Variants in PCDHGB4 observed in about 807,000 individuals in gnomAD.
PCDHGB4 encodes the protein protocadherin gamma subfamily B, 4, also known as protocadherin gamma-B4.
In PCDHGB4, 38 loss-of-function variants were observed where a neutral mutation model predicts 60.5. The observed-to-expected ratio is 0.63, with a 90% CI of 0.48 to 0.82. The LOEUF is 0.82. Ranked by LOEUF, PCDHGB4 falls within the 40% of genes least tolerant of loss-of-function variation. The pLI is 0.00. For synonymous variants in PCDHGB4, 456 were observed against 509.7 expected, an observed-to-expected ratio of 0.89 and a Z score of 1.42; for missense variants, 1,109 against 1,209.6, an observed-to-expected ratio of 0.92 and a Z score of 1.23.
At position 141,405,406 on chromosome 5, in the gene PCDHGB4, T is replaced by C. The variant is rs750140674; in HGVS notation, c.2397+15125T>C. On this transcript the variant is annotated intron_variant, in intron 1 of 3. Coordinates refer to ENST00000519479, the MANE Select transcript of PCDHGB4 (RefSeq NM_003736.4). ...GTTCATTTTTTTTCTTTCTTTCTTTTCTTTTTTTGTTTTTTGTTTTGTTTT... is the reference window on the plus strand; with the variant it reads ...GTTCATTTTTTTTCTTTCTTTCTTTCCTTTTTTTGTTTTTTGTTTTGTTTT... 1.2e-5 allele frequency: 19 copies of C among 1,584,070 alleles called. No individual in the cohort carries two copies. The Admixed American group carries it at 1.2e-4, about 10-fold the overall frequency.
intron 1 of PCDHGB4, among the ~76,000 whole-genome samples, chr5:141,468,914 G>A (rs563780068): frequency 2.6e-5 from 4 of 151,700 alleles, no homozygotes; most frequent in Admixed American, 2.6e-4. Context: ...CAGACTAGAA[G>A]AGAATAGCAC....
chr5:141,448,204 C>G (rs757249025), intron 1 of PCDHGB4, among the ~76,000 whole-genome samples: 28 of 152,124 alleles, frequency 1.8e-4, no homozygotes, highest in South Asian at 4.1e-4. Flanking sequence ...CAAACATTTT[C>G]TGTGTGTATG....
chr5:141,510,472 G>A (rs1209464436), intron 3 of PCDHGB4, among the ~76,000 whole-genome samples: 7 of 152,102 alleles, frequency 4.6e-5, no homozygotes, highest in Non-Finnish European at 1.0e-4. Context: ...GGAGTCAGAG[G>A]CTCCCTTGAG....
At chr5:141,499,244 CAA>C (rs1191956146) in intron 2 of PCDHGB4, among the ~76,000 whole-genome samples, 1 of 152,090 alleles carries the variant, frequency 6.6e-6, no homozygotes, top group Non-Finnish European at 1.5e-5. Flanking sequence ...AGCCTCTGCA[CAA>C]AGAGTCTCCA....
At position 141,433,142 on chromosome 5, in the gene PCDHGB4, G is replaced by T. The variant is rs2097571106; in HGVS notation, c.2397+42861G>T. On this transcript the variant is annotated intron_variant, in intron 1 of 3. Coordinates refer to ENST00000519479, the MANE Select transcript of PCDHGB4 (RefSeq NM_003736.4). ...AAAAAGCGAGCCCCTTTTGCTGTCA[G>T]GTGATTCGGTATTTTCTAAAGACAG... The T allele has an allele frequency of 4.7e-5, 76 of 1,613,992 alleles. No homozygotes were observed. Among genetic ancestry groups the T allele is most frequent in the Non-Finnish European group, 6.4e-5 (76 of 1,180,016 alleles).
In PCDHGB4 at chr5:141,476,240, G is replaced by A. The variant is rs762604058; in HGVS notation, c.2398-18567G>A. On this transcript the variant is annotated intron_variant, in intron 1 of 3. Coordinates refer to ENST00000519479, the MANE Select transcript of PCDHGB4 (RefSeq NM_003736.4). This position sits in a 1 kb window ranked among gnomAD's most constrained non-coding sequence, Gnocchi z 7.6. ...TCACTATGAGATCCCGGAGGAAAGAGAGAAGGGTTTCGCTGTGGGCAACGT... is the reference window on the plus strand; with the variant it reads ...TCACTATGAGATCCCGGAGGAAAGAAAGAAGGGTTTCGCTGTGGGCAACGT... The A allele has an allele frequency of 4.3e-6, 7 of 1,613,986 alleles. No individual in the cohort carries two copies. The highest frequency in any genetic ancestry group is 1.7e-6 in the Non-Finnish European group (2 of 1,180,030).
chr5:141,428,050 T>C (rs1222417053), intron 1 of PCDHGB4: 1 of 1,608,844 alleles, frequency 6.2e-7, no homozygotes, highest in Non-Finnish European at 8.5e-7. Flanking sequence ...GTGACCAAGG[T>C]GGTGGCGGTG....
chr5:141,491,659 G>A lies in PCDHGB4; in HGVS notation c.2398-3148G>A. On this transcript the variant is annotated intron_variant, in intron 1 of 3. Transcript: ENST00000519479. This position sits in a 1 kb window ranked among gnomAD's most constrained non-coding sequence, Gnocchi z 6.9. ...CACAGCTCTGGCGCTGGAGCCTGACGCCATCCGGTCCCGCTCTAATACGCT... is the reference window on the plus strand; with the variant it reads ...CACAGCTCTGGCGCTGGAGCCTGACACCATCCGGTCCCGCTCTAATACGCT... 6.2e-7 allele frequency: 1 copy of A among 1,613,766 alleles called. No homozygotes were observed. The highest frequency in any genetic ancestry group is 8.5e-7 in the Non-Finnish European group (1 of 1,180,004).
intron 1 of PCDHGB4, chr5:141,414,158 G>C: frequency 6.2e-7 from 1 of 1,602,572 alleles, no homozygotes; most frequent in Non-Finnish European, 8.5e-7. Context: ...GCAGAAGATG[G>C]AGGAGCATAT....
At chr5:141,456,204 C>A (rs867187371) in intron 1 of PCDHGB4, among the ~76,000 whole-genome samples, 17 of 152,222 alleles carry the variant, frequency 1.1e-4, no homozygotes, top group South Asian at 2.1e-4. Context: ...CTACCACATT[C>A]CTCCCTGTGG....
intron 1 of PCDHGB4, chr5:141,393,081 A>T (rs1005323306): frequency 6.2e-7 from 1 of 1,613,672 alleles, no homozygotes; most frequent in South Asian, 1.1e-5. Flanking sequence ...CGCGGGCAGG[A>T]TAGATCGGGA....
intron 1 of PCDHGB4, chr5:141,415,428 G>C (rs948747218): frequency 1.2e-6 from 2 of 1,614,088 alleles, no homozygotes; most frequent in Non-Finnish European, 1.7e-6. Context: ...ACGGGGTTCG[G>C]GCTTTCCTGC....
chr5:141,494,701 C>G, intron 1 of PCDHGB4, 106 bp from the exon 2 acceptor site: 1 of 1,594,596 alleles, frequency 6.3e-7, no homozygotes, highest in Non-Finnish European at 8.6e-7. Context: ...CCGTTTTCTT[C>G]TCTGTGCCCA....
At chr5:141,392,280 GCA>G (rs1460323134) in intron 1 of PCDHGB4, 2 of 152,190 alleles carry the variant, frequency 1.3e-5, no homozygotes, top group East Asian at 3.8e-4. Flanking sequence ...AAAGCTTAGA[GCA>G]CAATGGGAAA....
At chr5:141,406,273 G>A (rs1366399912) in intron 1 of PCDHGB4, among the ~76,000 whole-genome samples, 2 of 151,898 alleles carry the variant, frequency 1.3e-5, no homozygotes, top group Non-Finnish European at 2.9e-5. Context: ...TCCTGCTTCA[G>A]TTTCCCAAAG....
In PCDHGB4 at chr5:141,388,144, G is replaced by A. The variant is rs1327741980; in HGVS notation, c.260G>A (p.Ser87Asn). The change falls in exon 1 of 4, where the codon AGC (serine) becomes AAC (asparagine). Residue 87 changes from serine to asparagine, a missense_variant. Physicochemically the swap from Ser to Asn is conservative, Grantham distance 46. This residue lies in a region of PCDHGB4 where 1,068 missense variants were observed against 1,089.9 expected (regional missense o/e 0.98). Transcript: ENST00000519479. ...VSAESGELLV[S>N]SRLDREEICG... is the part of the protein sequence containing the mutation. ...GCAGAGAGCGGGGAGTTGCTTGTGAGCAGCAGGCTAGACAGGGAGGAGATA... is the reference window on the plus strand; with the variant it reads ...GCAGAGAGCGGGGAGTTGCTTGTGAACAGCAGGCTAGACAGGGAGGAGATA... The A allele has an allele frequency of 1.4e-6, 2 of 1,458,202 alleles. No homozygotes were observed. Among genetic ancestry groups the A allele is most frequent in the Non-Finnish European group, 9.5e-7 (1 of 1,055,444 alleles). 90.3% of individuals were successfully genotyped at this position (1,458,202 alleles called of 1,614,324 possible).
intron 1 of PCDHGB4, chr5:141,394,390 G>C (rs758609540): frequency 1.2e-6 from 2 of 1,614,100 alleles, no homozygotes; most frequent in Non-Finnish European, 1.7e-6. Context: ...GAGCAGATCC[G>C]AGACCTGCAG....
rs767521224 is a variant in PCDHGB4 at position 141,431,148 on chromosome 5, C to T, written c.2397+40867C>T. 3.7e-6 allele frequency: 6 copies of T among 1,614,146 alleles called. No homozygotes were observed. Among genetic ancestry groups the T allele is most frequent in the Admixed American group, 1.7e-5 (1 of 60,030 alleles). On this transcript the variant is annotated intron_variant, in intron 1 of 3. Coordinates refer to ENST00000519479, the MANE Select transcript of PCDHGB4 (RefSeq NM_003736.4). The surrounding 1 kb of genome is among the most constrained non-coding windows in gnomAD (Gnocchi z 4.8). Reference sequence around the variant, plus strand: ...GAAGTAAGGGACATTAACGACAATGCGCCTTACTTTCGTGAAAGTGAATTA... The same window carrying T: ...GAAGTAAGGGACATTAACGACAATGTGCCTTACTTTCGTGAAAGTGAATTA...
chr5:141,410,090 C>G (rs369832481), intron 1 of PCDHGB4: 3 of 1,612,358 alleles, frequency 1.9e-6, no homozygotes, highest in South Asian at 2.2e-5. Context: ...GCGCACGGCT[C>G]GAGCCTTAGG....
Sources: allele counts gnomAD v4.1 joint callset (sites outside exome capture counted in the v4.1 genomes callset), GRCh38; gene constraint gnomAD v4.1.1; regional missense constraint gnomAD v4.1.1; non-coding constraint Gnocchi (gnomAD v3.1); transcripts MANE v1.5; gene names NCBI Gene and HGNC (gene_info 2026-07-23, HGNC 2026-07-21).